Variants in CPEB2 observed in about 807,000 individuals in gnomAD.
CPEB2 encodes the protein cytoplasmic polyadenylation element-binding protein 2.
Under a neutral mutation model 93.6 loss-of-function variants are expected in CPEB2, and 56 were observed. The ratio of observed to expected loss-of-function variants is 0.60; its 90% CI spans 0.48 to 0.75. The LOEUF is 0.75. Among genes scored for constraint, CPEB2 ranks in the 30% least tolerant of loss-of-function variants. The pLI, the probability that CPEB2 is intolerant of heterozygous loss-of-function variation, is 0.00. For missense variants in CPEB2, 1,579 were observed against 1,395.1 expected (o/e 1.13, Z -2.10); for synonymous variants, 764 against 586.3 (o/e 1.30, Z -4.38).
intron 4 of CPEB2, among the ~76,000 whole-genome samples, chr4:15,019,790 T>C (rs183162154): frequency 2.6e-5 from 4 of 152,214 alleles, no homozygotes; most frequent in East Asian, 1.9e-4. Context: ...TGAAAATATC[T>C]AGGAAAATGA....
chr4:15,062,050 T>C (rs762449457), intron 10 of CPEB2, 29 bp from the exon 11 acceptor site: 5 of 1,554,310 alleles, frequency 3.2e-6, no homozygotes, highest in South Asian at 2.4e-5. Context: ...TTCTCTCACA[T>C]TTGATGTAAA....
intron 4 of CPEB2, among the ~76,000 whole-genome samples, chr4:15,030,223 T>C (rs2109022675): frequency 6.6e-6 from 1 of 152,204 alleles, no homozygotes; most frequent in South Asian, 2.1e-4. Flanking sequence ...ATTCTGTGAA[T>C]TTTTTAAGAG....
intron 11 of CPEB2, among the ~76,000 whole-genome samples, chr4:15,065,494 T>C (rs1729618881): frequency 6.6e-6 from 1 of 152,132 alleles, no homozygotes; most frequent in Non-Finnish European, 1.5e-5. Context: ...TCTTATGCTT[T>C]TACATTCACA....
chr4:15,020,704 CAATT>C (rs1724710492), intron 4 of CPEB2, among the ~76,000 whole-genome samples: 1 of 152,122 alleles, frequency 6.6e-6, no homozygotes, highest in Non-Finnish European at 1.5e-5. Context: ...GTACTTTACT[CAATT>C]AAGTGTGTCT....
intron 4 of CPEB2, among the ~76,000 whole-genome samples, chr4:15,032,140 C>T (rs1160895460): frequency 6.6e-6 from 1 of 152,090 alleles, no homozygotes; most frequent in Non-Finnish European, 1.5e-5. Context: ...CCCTGTTGCT[C>T]AGGCCGGAGT....
intron 11 of CPEB2, 94 bp from the exon 12 acceptor site, chr4:15,066,059 G>T: frequency 9.5e-7 from 1 of 1,055,164 alleles, no homozygotes; most frequent in East Asian, 2.4e-5. Flanking sequence ...TTTTAATGCT[G>T]GTCCTTTTTT....
intron 6 of CPEB2, among the ~76,000 whole-genome samples, chr4:15,050,284 T>C (rs754949064): frequency 7.2e-5 from 11 of 152,168 alleles, no homozygotes; most frequent in South Asian, 2.1e-4. Flanking sequence ...GTGCTCCTTA[T>C]GAGAATCTAA....
intron 10 of CPEB2, among the ~76,000 whole-genome samples, chr4:15,061,580 A>T (rs1000483311): frequency 4.6e-5 from 7 of 151,546 alleles, no homozygotes; most frequent in African/African-American, 1.7e-4. Context: ...ATTGGGGGGA[A>T]TACTGGAACA....
At chr4:15,030,817 C>CA (rs1481867639) in intron 4 of CPEB2, among the ~76,000 whole-genome samples, 1 of 152,006 alleles carries the variant, frequency 6.6e-6, no homozygotes, top group Non-Finnish European at 1.5e-5. Flanking sequence ...AAACTTTCCA[C>CA]AAAAAGTGTG....
At chr4:15,017,410 A>C in intron 4 of CPEB2, 132 bp downstream of exon 4, 1 of 471,676 alleles carries the variant, frequency 2.1e-6, no homozygotes. Flanking sequence ...TTTATTAATG[A>C]GAATCTTTGT....
In CPEB2 at chr4:15,002,750, A is replaced by C. The variant is rs1412175902; in HGVS notation, c.77A>C (p.Glu26Ala). The C allele has an allele frequency of 5.9e-6, 9 of 1,535,176 alleles. No homozygotes were observed. In the South Asian group the frequency reaches 6.0e-5, roughly 10 times the overall value. The change falls in exon 1 of 12, where the codon GAG (glutamate) becomes GCG (alanine). Residue 26 changes from glutamate (E) to alanine (A), a missense_variant. This residue lies in a region of CPEB2 where 1,411 missense variants were observed against 1,056.0 expected (regional missense o/e 1.34). Coordinates refer to ENST00000538197, the MANE Select transcript of CPEB2 (RefSeq NM_001177382.2). ...AGTCCTGGGCCCCTGTTCTGCGGCG[A>C]GGCGTATGGTCCTTACGCCGTGGGG... is the stretch of plus-strand genomic sequence containing the variant. ...SSSPGPLFCG[E>A]AYGPYAVGSV...
chr4:15,040,889 AGTTTT>A (rs1439526391), intron 6 of CPEB2, among the ~76,000 whole-genome samples: 1 of 152,180 alleles, frequency 6.6e-6, no homozygotes, highest in Non-Finnish European at 1.5e-5. Flanking sequence ...CTAGATTGTT[AGTTTT>A]ATGTTGACCC....
In CPEB2 at chr4:15,002,974, C is replaced by A; in HGVS notation, c.301C>A (p.Leu101Met). 6.6e-7 allele frequency: 1 copy of A among 1,508,690 alleles called. No homozygotes were observed. Among genetic ancestry groups the A allele is most frequent in the East Asian group, 2.5e-5 (1 of 40,422 alleles). The allele number at this position is 1,508,690 out of a possible 1,614,324, so 93.5% of individuals were successfully genotyped here. A position where few individuals can be genotyped will look rare whatever the true frequency, so the allele number is the denominator to read the frequency against. ...CATGCAGGATGAGCTGCTTCTGGGG[C>A]TGACACAGCAGCCGGCGCGGCCGCT... ...QTMQDELLLG[L>M]TQQPARPLSG... The change falls in exon 1 of 12, where the codon CTG becomes ATG. Residue 101 changes from leucine (L) to methionine (M), a missense_variant. By Grantham distance (15) the Leu-to-Met change is conservative (BLOSUM62 2). Transcript: ENST00000538197.
intron 6 of CPEB2, among the ~76,000 whole-genome samples, chr4:15,042,820 C>G (rs1727311869): frequency 2.0e-5 from 3 of 152,240 alleles, no homozygotes; most frequent in African/African-American, 7.2e-5. Context: ...CTATTCCATG[C>G]TAGGTATAAT....
At chr4:15,007,266 C>G (rs1577358484) in intron 1 of CPEB2, 39 bp from the exon 2 acceptor site, 1 of 1,394,414 alleles carries the variant, frequency 7.2e-7, no homozygotes, top group African/African-American at 1.5e-5. Context: ...ATTGTAAATT[C>G]TTTAAATGCC....
chr4:15,009,439 A>G lies in CPEB2; in HGVS notation c.2034+1012A>G, dbSNP rs947738118. On this transcript the variant is annotated intron_variant, in intron 3 of 11. Coordinates refer to ENST00000538197, the MANE Select transcript of CPEB2 (RefSeq NM_001177382.2). ...TTCACCTAGAAATGGTAGTTACTTC[A>G]TGCAATTTGCAACGTATTGTCTTGT... 1.4e-4 allele frequency among the ~76,000 whole-genome samples: 21 copies of G among 152,342 alleles called. No homozygotes were observed. The East Asian group carries it at 3.5e-3, about 25-fold the overall frequency.
Position 15,034,303 on chromosome 4 carries a change from A to G in CPEB2, c.2176+1092A>G, listed in dbSNP as rs1472330469. Among the ~76,000 whole-genome samples, 3 of 152,198 alleles carry G rather than the reference A, an allele frequency of 2.0e-5. No individual in the cohort carries two copies. In the East Asian group the frequency reaches 5.8e-4, roughly 29 times the overall value. On this transcript the variant is annotated intron_variant, in intron 5 of 11. Coordinates refer to ENST00000538197, the MANE Select transcript of CPEB2 (RefSeq NM_001177382.2). ...CTGGGGCCATACTGAGTCATGTGGAAGCAAAGAGCTTAGTAGCCACAGTGT... is the reference window on the plus strand; with the variant it reads ...CTGGGGCCATACTGAGTCATGTGGAGGCAAAGAGCTTAGTAGCCACAGTGT...
intron 3 of CPEB2, among the ~76,000 whole-genome samples, chr4:15,008,644 A>T (rs1250481904): frequency 2.0e-5 from 3 of 152,196 alleles, no homozygotes; most frequent in African/African-American, 7.2e-5. Flanking sequence ...TAATTCTAAA[A>T]CATAATAAAC....
chr4:15,028,233 G>C (rs1725688080), intron 4 of CPEB2, among the ~76,000 whole-genome samples: 1 of 151,610 alleles, frequency 6.6e-6, no homozygotes, highest in Non-Finnish European at 1.5e-5. Flanking sequence ...ATTTATCTTG[G>C]CAAAGAGCAA....
Sources: allele counts gnomAD v4.1 joint callset (sites outside exome capture counted in the v4.1 genomes callset), GRCh38; gene constraint gnomAD v4.1.1; regional missense constraint gnomAD v4.1.1; transcripts MANE v1.5; gene names NCBI Gene and HGNC (gene_info 2026-07-23, HGNC 2026-07-21).